The following SLC25A21 variants were observed in gnomAD, a reference collection of about 807,000 sequenced individuals.
SLC25A21 encodes solute carrier family 25 member 21.
A neutral mutation model predicts 43.8 loss-of-function variants in SLC25A21; 47 were observed. The observed-to-expected ratio is 1.07, with a 90% confidence interval of 0.85 to 1.37. The LOEUF (loss-of-function observed/expected upper bound fraction) is 1.37. SLC25A21 is among the 40% of genes most tolerant of loss of function. The pLI is 0.00. For synonymous variants in SLC25A21, 131 were observed against 121.3 expected (o/e 1.08, Z -0.52); for missense variants, 352 against 350.2 (o/e 1.00, Z -0.04).
chr14:36,680,601 A>C lies in SLC25A21; in HGVS notation c.*57T>G. ...GGCCGATCGATAGTCTCTCTTCTTC[A>C]TGGTGCTGCATAGCAAATATCCATT... On this transcript the variant is annotated 3_prime_UTR_variant, in exon 10 of 10. Coordinates refer to ENST00000331299, the MANE Select transcript of SLC25A21 (RefSeq NM_030631.4). 6.3e-7 allele frequency: 1 copy of C among 1,576,034 alleles called. No homozygotes were observed.
chr14:36,931,923 G>C (rs1367983592), intron 1 of SLC25A21, among the ~76,000 whole-genome samples: 1 of 152,108 alleles, frequency 6.6e-6, no homozygotes, highest in African/African-American at 2.4e-5. Flanking sequence ...TTGAGCTAGA[G>C]ACATTTTGCA....
intron 1 of SLC25A21, among the ~76,000 whole-genome samples, chr14:36,885,768 C>T (rs78339627): frequency 0.023 from 3,529 of 151,882 alleles, 127 homozygotes; most frequent in African/African-American, 0.082. Flanking sequence ...CTTAACATCT[C>T]AGTAAACTGC....
chr14:36,777,642 T>C (rs1238927072), intron 3 of SLC25A21, among the ~76,000 whole-genome samples: 4 of 152,128 alleles, frequency 2.6e-5, no homozygotes, highest in Non-Finnish European at 4.4e-5. Flanking sequence ...GTGCCAAGGA[T>C]TGCCAGAAGT....
chr14:36,682,701 G>T (rs1306661280), intron 9 of SLC25A21, among the ~76,000 whole-genome samples: 1 of 151,752 alleles, frequency 6.6e-6, no homozygotes, highest in Non-Finnish European at 1.5e-5. Context: ...AATTCCCCAC[G>T]TTCTATTACT....
chr14:36,712,256 T>G (rs1883911507), intron 6 of SLC25A21, among the ~76,000 whole-genome samples: 1 of 152,068 alleles, frequency 6.6e-6, no homozygotes, highest in Non-Finnish European at 1.5e-5. Flanking sequence ...TAAAAAAAAA[T>G]GTATGAGTGG....
chr14:36,733,390 T>TA (rs754942758), intron 4 of SLC25A21, among the ~76,000 whole-genome samples: 10 of 152,196 alleles, frequency 6.6e-5, no homozygotes, highest in Non-Finnish European at 1.3e-4. Context: ...AGTGATACTA[T>TA]AAAATCACAA....
intron 2 of SLC25A21, among the ~76,000 whole-genome samples, chr14:36,827,957 A>G (rs1888895146): frequency 6.6e-6 from 1 of 152,226 alleles, no homozygotes; most frequent in African/African-American, 2.4e-5. Flanking sequence ...AAGACACAAG[A>G]CAACTTTTTT....
intron 2 of SLC25A21, among the ~76,000 whole-genome samples, chr14:36,868,858 T>C (rs1890287296): frequency 6.6e-6 from 1 of 152,164 alleles, no homozygotes; most frequent in Non-Finnish European, 1.5e-5. Context: ...ATTCTGAAGG[T>C]AGGGAGAGAA....
intron 6 of SLC25A21, among the ~76,000 whole-genome samples, chr14:36,713,555 G>C (rs1459286480): frequency 6.6e-6 from 1 of 152,134 alleles, no homozygotes; most frequent in African/African-American, 2.4e-5. Flanking sequence ...ATTGGAAATA[G>C]GAGCTCAGAG....
At chr14:37,000,756 T>A (rs1960471274) in intron 1 of SLC25A21, among the ~76,000 whole-genome samples, 1 of 152,138 alleles carries the variant, frequency 6.6e-6, no homozygotes, top group Non-Finnish European at 1.5e-5. Context: ...ATGGTGAGTT[T>A]TCATGAGCTC....
intron 1 of SLC25A21, among the ~76,000 whole-genome samples, chr14:37,022,685 C>T (rs1035144900): frequency 3.3e-5 from 5 of 151,856 alleles, no homozygotes; most frequent in Admixed American, 2.0e-4. Context: ...AAAATATTAC[C>T]CTAACCATTA....
At chr14:36,964,320 A>T (rs1029030434) in intron 1 of SLC25A21, among the ~76,000 whole-genome samples, 2 of 152,164 alleles carry the variant, frequency 1.3e-5, no homozygotes, top group Non-Finnish European at 2.9e-5. Flanking sequence ...TTTTGTATAG[A>T]CTCAACAAAG....
intron 1 of SLC25A21, among the ~76,000 whole-genome samples, chr14:36,975,588 A>C (rs950127706): frequency 1.1e-4 from 16 of 152,342 alleles, no homozygotes; most frequent in Admixed American, 4.6e-4. Context: ...TATAAATCCA[A>C]TGGTTAAAAT....
At chr14:36,982,422 C>T (rs1302022617) in intron 1 of SLC25A21, among the ~76,000 whole-genome samples, 1 of 152,122 alleles carries the variant, frequency 6.6e-6, no homozygotes, top group African/African-American at 2.4e-5. Context: ...CCTGTTGGGG[C>T]TCGCACACAT....
chr14:36,823,504 A>C (rs1166318352), intron 2 of SLC25A21, among the ~76,000 whole-genome samples: 1 of 152,098 alleles, frequency 6.6e-6, no homozygotes, highest in Admixed American at 6.6e-5. Flanking sequence ...TGCTCTTACT[A>C]CATTGTCCCA....
Position 36,963,228 on chromosome 14 carries a change from A to G in SLC25A21, c.71-88224T>C, listed in dbSNP as rs77647944. ...AGAGGTTAAAGAAACGATAAGTGAA[A>G]AAGCCATTAAGCTTATTGTATTTTT... On this transcript the variant is annotated intron_variant, in intron 1 of 9. Transcript: ENST00000331299. 3.7e-3 allele frequency among the ~76,000 whole-genome samples: 564 copies of G among 152,264 alleles called. 2 individuals are homozygous for G. The highest frequency in any genetic ancestry group is 0.013 in the African/African-American group (528 of 41,550).
At chr14:36,999,229 T>C (rs1324963564) in intron 1 of SLC25A21, among the ~76,000 whole-genome samples, 1 of 152,018 alleles carries the variant, frequency 6.6e-6, no homozygotes, top group Non-Finnish European at 1.5e-5. Context: ...GCCATGAAAA[T>C]ATATGAAGAA....
At chr14:36,737,801 T>TA (rs1885106205) in intron 3 of SLC25A21, among the ~76,000 whole-genome samples, 3 of 152,154 alleles carry the variant, frequency 2.0e-5, no homozygotes, top group East Asian at 3.9e-4. Flanking sequence ...TCTGCAGTGA[T>TA]AAAAAAAGAA....
intron 2 of SLC25A21, among the ~76,000 whole-genome samples, chr14:36,832,592 A>G (rs994891058): frequency 3.9e-5 from 6 of 152,182 alleles, no homozygotes; most frequent in South Asian, 2.1e-4. Flanking sequence ...ACACCTTTTC[A>G]TGCTTTCTGC....
Sources: allele counts gnomAD v4.1 joint callset (sites outside exome capture counted in the v4.1 genomes callset), GRCh38; gene constraint gnomAD v4.1.1; transcripts MANE v1.5; gene names NCBI Gene and HGNC (gene_info 2026-07-23, HGNC 2026-07-21).